Variants in MAST4 observed in about 807,000 individuals in gnomAD.
The protein encoded by MAST4 is microtubule associated serine/threonine kinase family member 4, also known as microtubule-associated serine/threonine-protein kinase 4.
A neutral mutation model predicts 162.7 loss-of-function variants in MAST4; 89 were observed. The ratio of observed to expected loss-of-function variants is 0.55; its 90% CI spans 0.46 to 0.65. The LOEUF (loss-of-function observed/expected upper bound fraction) is 0.65, where lower values mean the gene tolerates loss of function less well. Among genes scored for constraint, MAST4 ranks in the 30% least tolerant of loss-of-function variants. The pLI is 0.00. For missense variants in MAST4, 3,153 were observed against 3,374.0 expected (o/e 0.93, Z 1.62); for synonymous variants, 1,479 against 1,361.1 (o/e 1.09, Z -1.91).
intron 12 of MAST4, among the ~76,000 whole-genome samples, chr5:67,116,929 G>A (rs1279249324): frequency 6.6e-6 from 1 of 152,168 alleles, no homozygotes; most frequent in Non-Finnish European, 1.5e-5. Flanking sequence ...TAGGAATTGG[G>A]AGTTCTGGAG....
At position 66,759,776 on chromosome 5, in the gene MAST4, G is replaced by T; in HGVS notation, c.431G>T (p.Gly144Val). ...TGCAGCAACCCAGATGTGGCTTCTGGCCCTGGAAAATCACTGAAGTATAAA... is the reference window on the plus strand; with the variant it reads ...TGCAGCAACCCAGATGTGGCTTCTGTCCCTGGAAAATCACTGAAGTATAAA... Reference protein sequence around the residue: ...RKCSNPDVASGPGKSLKYKRQ... With the variant: ...RKCSNPDVASVPGKSLKYKRQ... Residue 144 changes from glycine (G) to valine (V), a missense_variant, in exon 2 of 29, where the codon GGC becomes GTC. By Grantham distance (109) the Gly-to-Val change is moderately radical (BLOSUM62 -3). This residue lies in a region of MAST4 where 327 missense variants were observed against 336.5 expected (regional missense o/e 0.97). Coordinates refer to ENST00000403625, the MANE Select transcript of MAST4 (RefSeq NM_001164664.2). 1 of 1,613,900 alleles carries T rather than the reference G, an allele frequency of 6.2e-7. No individual in the cohort carries two copies. Among genetic ancestry groups the T allele is most frequent in the Non-Finnish European group, 8.5e-7 (1 of 1,179,872 alleles).
intron 4 of MAST4, chr5:67,001,585 G>A (rs1250962081): frequency 6.6e-6 from 1 of 152,140 alleles, no homozygotes; most frequent in African/African-American, 2.4e-5. Flanking sequence ...CCTGCAGATT[G>A]GGGTATCTGT....
chr5:66,837,449 T>C (rs1438912907), intron 3 of MAST4, among the ~76,000 whole-genome samples: 1 of 152,110 alleles, frequency 6.6e-6, no homozygotes, highest in African/African-American at 2.4e-5. Context: ...TTGCTTTCCT[T>C]CATTGTCTAA....
chr5:66,693,019 C>A (rs1198444658), intron 1 of MAST4, among the ~76,000 whole-genome samples: 1 of 144,514 alleles, frequency 6.9e-6, no homozygotes, highest in Non-Finnish European at 1.5e-5. Context: ...TAACATGCTT[C>A]CAGGTGAACT....
chr5:66,609,989 A>G (rs934035102), intron 1 of MAST4, among the ~76,000 whole-genome samples: 8 of 152,144 alleles, frequency 5.3e-5, no homozygotes, highest in African/African-American at 1.9e-4. Flanking sequence ...TCTGGTGGTT[A>G]GAAGTCCAAA....
chr5:66,749,258 G>C (rs1162550575), intron 1 of MAST4, among the ~76,000 whole-genome samples: 1 of 152,082 alleles, frequency 6.6e-6, no homozygotes. Flanking sequence ...CTGAGAGAGA[G>C]GTAGCTTGCC....
At chr5:66,786,632 T>C (rs1755130248) in intron 2 of MAST4, among the ~76,000 whole-genome samples, 1 of 152,214 alleles carries the variant, frequency 6.6e-6, no homozygotes, top group South Asian at 2.1e-4. Context: ...CTCTATAGTT[T>C]TCCTGCTCTT....
intron 1 of MAST4, among the ~76,000 whole-genome samples, chr5:66,734,645 T>C (rs1006120651): frequency 1.6e-4 from 24 of 152,358 alleles, no homozygotes; most frequent in African/African-American, 5.8e-4. Flanking sequence ...AGACATGTTC[T>C]ATATTCTGCA....
intron 3 of MAST4, among the ~76,000 whole-genome samples, chr5:66,827,559 G>C (rs1214452258): frequency 6.6e-6 from 1 of 152,196 alleles, no homozygotes; most frequent in Non-Finnish European, 1.5e-5. Flanking sequence ...CAGACAGAAA[G>C]AGATGGAAAA....
At chr5:67,145,418 A>G in intron 23 of MAST4, 39 bp downstream of exon 23, 2 of 1,560,506 alleles carry the variant, frequency 1.3e-6, no homozygotes, top group Non-Finnish European at 1.8e-6. Flanking sequence ...CCTCCTCACC[A>G]CACTAAGTGT....
chr5:66,788,570 C>T, intron 2 of MAST4, 100 bp from the exon 3 acceptor site: 1 of 1,360,838 alleles, frequency 7.3e-7, no homozygotes, highest in South Asian at 1.2e-5. Context: ...TAATACAGAA[C>T]AAGGTTGGCC....
intron 3 of MAST4, among the ~76,000 whole-genome samples, chr5:66,859,656 G>C (rs557419413): frequency 6.6e-6 from 1 of 152,306 alleles, no homozygotes; most frequent in South Asian, 2.1e-4. Context: ...TAAATGTTCT[G>C]GTTTTGAGGA....
At chr5:66,938,082 T>C (rs1443855564) in intron 4 of MAST4, among the ~76,000 whole-genome samples, 2 of 152,126 alleles carry the variant, frequency 1.3e-5, no homozygotes, top group African/African-American at 4.8e-5. Flanking sequence ...CTGTTTGGTT[T>C]TCTAGATACA....
intron 4 of MAST4, 59 bp from the exon 5 acceptor site, chr5:67,054,345 G>A: frequency 7.0e-7 from 1 of 1,432,858 alleles, no homozygotes; most frequent in Non-Finnish European, 9.5e-7. Flanking sequence ...CGGGAACATG[G>A]TTGAACATTA....
At chr5:66,725,270 AAATT>A (rs1751441983) in intron 1 of MAST4, among the ~76,000 whole-genome samples, 1 of 152,170 alleles carries the variant, frequency 6.6e-6, no homozygotes, top group South Asian at 2.1e-4. Context: ...GTTTTAATAA[AAATT>A]AATACATGTG....
intron 5 of MAST4, among the ~76,000 whole-genome samples, chr5:67,068,003 G>C (rs1432011261): frequency 6.6e-6 from 1 of 152,168 alleles, no homozygotes; most frequent in Non-Finnish European, 1.5e-5. Flanking sequence ...CCAGGATCCT[G>C]TGACTTGCTG....
intron 2 of MAST4, among the ~76,000 whole-genome samples, chr5:66,788,036 T>C (rs2149673726): frequency 6.6e-6 from 1 of 152,340 alleles, no homozygotes; most frequent in African/African-American, 2.4e-5. Flanking sequence ...TTTAAAAACA[T>C]ATATGTATAT....
At chr5:67,148,022 G>A (rs778693725) in intron 23 of MAST4, among the ~76,000 whole-genome samples, 4 of 152,140 alleles carry the variant, frequency 2.6e-5, no homozygotes, top group Non-Finnish European at 4.4e-5. Flanking sequence ...GTCCATGAGC[G>A]TGGGCCAAAC....
chr5:66,986,624 T>A (rs371285941), intron 4 of MAST4: 185 of 168,216 alleles, frequency 1.1e-3, no homozygotes, highest in Non-Finnish European at 1.4e-3. Context: ...ATATATTTAT[T>A]TATTTATTTA....
Sources: gnomAD v4.1 joint callset for allele counts (sites outside exome capture counted in the v4.1 genomes callset) on GRCh38, gnomAD v4.1.1 for gene constraint, gnomAD v4.1.1 regional missense constraint, MANE v1.5 for transcripts, NCBI Gene and HGNC (gene_info 2026-07-23, HGNC 2026-07-21) for gene names.